AAK1: variants seen among roughly 807,000 people sequenced by gnomAD.
AAK1 encodes the protein AP2-associated protein kinase 1.
In AAK1, 37 loss-of-function variants were observed where a neutral mutation model predicts 116.0. The ratio of observed to expected loss-of-function variants is 0.32; its 90% confidence interval spans 0.25 to 0.42. AAK1 has a LOEUF of 0.42. AAK1 is among the 10% of genes least tolerant of loss of function. The pLI is 1.00. For missense variants in AAK1, 919 were observed against 1,170.6 expected (o/e 0.79, Z 3.14); for synonymous variants, 458 against 439.9 (o/e 1.04, Z -0.51).
At position 69,467,067 on chromosome 2, in the gene AAK1, A is replaced by G. The variant is rs144466499; in HGVS notation, c.*8802T>C. 1,528 of 985,420 alleles carry G rather than the reference A, an allele frequency of 1.6e-3. 22 individuals are homozygous for G. In the African/African-American group the frequency reaches 0.025, roughly 16 times the overall value. The allele number at this position is 985,420 out of a possible 1,614,324, so 61.0% of individuals were successfully genotyped here. ...TGCTTGATAAATGCAAGTTTACTTG[A>G]TGACTTACATCACAAGCACTACTCA... On this transcript the variant is annotated 3_prime_UTR_variant, in exon 22 of 22. Coordinates refer to ENST00000409085, the MANE Select transcript of AAK1 (RefSeq NM_014911.5).
At chr2:69,493,607 T>A (rs1036130103) in intron 17 of AAK1, among the ~76,000 whole-genome samples, 5 of 152,208 alleles carry the variant, frequency 3.3e-5, no homozygotes, top group African/African-American at 1.2e-4. Flanking sequence ...GACAGTGTCG[T>A]TGGCACAGCT....
chr2:69,536,030 G>T (rs1283404012), intron 5 of AAK1, among the ~76,000 whole-genome samples: 1 of 152,200 alleles, frequency 6.6e-6, no homozygotes. Flanking sequence ...AAGCCTTATT[G>T]TCTCCCTTAA....
chr2:69,633,795 CAA>C (rs987523203), intron 2 of AAK1, among the ~76,000 whole-genome samples: 1 of 152,156 alleles, frequency 6.6e-6, no homozygotes, highest in Non-Finnish European at 1.5e-5. Context: ...AAGCAACCTT[CAA>C]ATGCTATGGA....
In AAK1 at chr2:69,643,085, ATTTTTT is replaced by A. The variant is rs4067981; in HGVS notation, c.-51_-46del. On this transcript the variant is annotated 5_prime_UTR_variant, in exon 2 of 22. Coordinates refer to ENST00000409085, the MANE Select transcript of AAK1 (RefSeq NM_014911.5). ...AAAGCAAAATACCGATGGTTTCTAG[ATTTTTT>A]TTTTTTTTTTTTTTTTTTAAGAAAA... 1.0e-4 allele frequency: 128 copies of A among 1,265,090 alleles called. No homozygotes were observed. The highest frequency in any genetic ancestry group is 9.2e-4 in the African/African-American group (46 of 50,138). 78.4% of individuals were successfully genotyped at this position (1,265,090 alleles called of 1,614,324 possible). A position where few individuals can be genotyped will look rare whatever the true frequency, so the allele number is the denominator to read the frequency against.
chr2:69,553,746 C>G lies in AAK1; in HGVS notation c.282+3114G>C, dbSNP rs1482116054. Among the ~76,000 whole-genome samples the G allele has an allele frequency of 2.7e-5, 4 of 148,932 alleles. No homozygotes were observed. In the East Asian group the frequency reaches 7.9e-4, roughly 30 times the overall value. ...CATGAGCCACCGTGCCCGGCCTAGA[C>G]CTGAAAGTTCAAAAAAATTTATCTA... On this transcript the variant is annotated intron_variant, in intron 3 of 21. Coordinates refer to ENST00000409085, the MANE Select transcript of AAK1 (RefSeq NM_014911.5).
intron 16 of AAK1, chr2:69,500,029 C>G (rs931146251): frequency 6.6e-6 from 1 of 152,194 alleles, no homozygotes; most frequent in South Asian, 2.1e-4. Flanking sequence ...TGTATAGACA[C>G]AGTCTGTCAT....
At chr2:69,488,379 T>C (rs190023383) in intron 17 of AAK1, among the ~76,000 whole-genome samples, 2 of 152,222 alleles carry the variant, frequency 1.3e-5, no homozygotes, top group East Asian at 3.9e-4. Context: ...TATTTTTACC[T>C]TTTATTGTGA....
rs1572874038 is a variant in AAK1, at chr2:69,474,191, C to T, written c.*1678G>A. ...GCTGTTGTTGCTGTTAAACTTTTTT[C>T]CCCCATAAAGTGCAAATGTGAGGAA... is the stretch of plus-strand genomic sequence containing the variant. On this transcript the variant is annotated 3_prime_UTR_variant, in exon 22 of 22. Coordinates refer to ENST00000409085, the MANE Select transcript of AAK1 (RefSeq NM_014911.5). 22 of 985,630 alleles carry T rather than the reference C, an allele frequency of 2.2e-5. No homozygotes were observed. Among genetic ancestry groups the T allele is most frequent in the South Asian group, 4.7e-5 (1 of 21,280 alleles). The allele number at this position is 985,630 out of a possible 1,614,324, so 61.1% of individuals were successfully genotyped here.
At chr2:69,563,141 G>C (rs924189182) in intron 2 of AAK1, among the ~76,000 whole-genome samples, 1 of 152,126 alleles carries the variant, frequency 6.6e-6, no homozygotes, top group Non-Finnish European at 1.5e-5. Context: ...TTCAGCAATG[G>C]GGCTTTGGAA....
intron 2 of AAK1, among the ~76,000 whole-genome samples, chr2:69,587,475 A>T (rs80252522): frequency 0.039 from 5,536 of 143,400 alleles, 366 homozygotes; most frequent in East Asian, 0.22. Flanking sequence ...ATATATATAT[A>T]TATTTTTTTG....
chr2:69,575,746 G>T (rs1415071624), intron 2 of AAK1, among the ~76,000 whole-genome samples: 2 of 152,122 alleles, frequency 1.3e-5, no homozygotes, highest in African/African-American at 2.4e-5. Context: ...AGGATTACAG[G>T]CGTGAGACAC....
In AAK1 at chr2:69,482,763, A is replaced by G; in HGVS notation, c.2415T>C (p.Pro805=). The stretch of plus-strand genomic sequence containing the variant: ...AAGGATCTGTCATAGGCAAGAGGTC[A>G]GGGAGCAGAAGAGAAGTGTCAGGAG... ...LKSPDTSLLL[P]DLLPMTDPFG... is the part of the protein sequence containing the mutation. Residue 805 remains proline, a synonymous_variant, in exon 18 of 22, where the codon CCT becomes CCC. Transcript: ENST00000409085. 2 of 1,613,828 alleles carry G rather than the reference A, an allele frequency of 1.2e-6. No individual in the cohort carries two copies. The highest frequency in any genetic ancestry group is 2.2e-5 in the East Asian group (1 of 44,890).
intron 2 of AAK1, among the ~76,000 whole-genome samples, chr2:69,589,783 G>A (rs1009556768): frequency 6.6e-6 from 1 of 151,580 alleles, no homozygotes; most frequent in African/African-American, 2.4e-5. Context: ...GAAGTGTCCT[G>A]AAAGCAGAGA....
At chr2:69,526,167 C>A (rs1670016736) in intron 9 of AAK1, among the ~76,000 whole-genome samples, 1 of 152,142 alleles carries the variant, frequency 6.6e-6, no homozygotes, top group African/African-American at 2.4e-5. Context: ...GAGCTGGTCC[C>A]CCAGGAATCA....
chr2:69,544,490 T>C lies in AAK1; in HGVS notation c.337A>G (p.Asn113Asp). The stretch of plus-strand genomic sequence containing the variant: ...TCCCATACATCACCGCTACTCACGT[T>C]GTTGATACTAGAATCAATGTAACCC... Reference protein sequence around the residue: ...IVGYIDSSINNVSSGDVWEVL... With the variant: ...IVGYIDSSINDVSSGDVWEVL... Residue 113 changes from asparagine to aspartate, a missense_variant, in exon 4 of 22, where the codon AAC becomes GAC. Around this residue, in one of 4 missense-constraint regions of AAK1, gnomAD observed 317 missense variants for 490.4 expected, o/e 0.65. Transcript: ENST00000409085. 6.2e-7 allele frequency: 1 copy of C among 1,613,880 alleles called. No homozygotes were observed. The highest frequency in any genetic ancestry group is 8.5e-7 in the Non-Finnish European group (1 of 1,179,802).
chr2:69,498,856 T>C (rs547181202), intron 16 of AAK1, among the ~76,000 whole-genome samples: 5 of 152,232 alleles, frequency 3.3e-5, no homozygotes, highest in Admixed American at 6.5e-5. Context: ...GCATGTGTGA[T>C]GCTTACCATT....
At position 69,473,369 on chromosome 2, in the gene AAK1, T is replaced by G; in HGVS notation, c.*2500A>C. 1 of 985,506 alleles carries G rather than the reference T, an allele frequency of 1.0e-6. No homozygotes were observed. The highest frequency in any genetic ancestry group is 1.2e-6 in the Non-Finnish European group (1 of 829,970). 61.0% of individuals were successfully genotyped at this position (985,506 alleles called of 1,614,324 possible). ...CACTATGCTCAACTCAAATAAACTC[T>G]TTCAGCTCAGGGATGATGCTCTAAA... On this transcript the variant is annotated 3_prime_UTR_variant, in exon 22 of 22. Transcript: ENST00000409085.
chr2:69,496,112 A>G, intron 16 of AAK1, 32 bp from the exon 17 acceptor site: 2 of 1,502,790 alleles, frequency 1.3e-6, no homozygotes, highest in African/African-American at 1.4e-5. Context: ...AGGAGGAGTC[A>G]GGAGAGAAAA....
chr2:69,501,744 T>G (rs1201081680), intron 16 of AAK1, among the ~76,000 whole-genome samples: 1 of 151,948 alleles, frequency 6.6e-6, no homozygotes, highest in East Asian at 1.9e-4. Flanking sequence ...CCGAGGTGGG[T>G]GGATCACCTG....
Sources: allele counts gnomAD v4.1 joint callset (sites outside exome capture counted in the v4.1 genomes callset), GRCh38; gene constraint gnomAD v4.1.1; regional missense constraint gnomAD v4.1.1; transcripts MANE v1.5; gene names NCBI Gene and HGNC (gene_info 2026-07-23, HGNC 2026-07-21).